Variants in BANK1 observed in about 807,000 individuals in gnomAD.
The protein encoded by BANK1 is B cell scaffold protein with ankyrin repeats 1.
BANK1 carries 95 observed loss-of-function variants against 94.5 expected under a neutral mutation model. The ratio of observed to expected loss-of-function variants is 1.00; its 90% CI spans 0.85 to 1.19. BANK1 has a LOEUF of 1.19. Ranked by LOEUF, BANK1 falls within the 50% of genes most tolerant of loss-of-function variation. BANK1 has a pLI of 0.00. For missense variants in BANK1, 987 were observed against 932.2 expected (o/e 1.06, Z -0.77); for synonymous variants, 334 against 308.4 (o/e 1.08, Z -0.87).
intron 3 of BANK1, among the ~76,000 whole-genome samples, chr4:101,856,692 A>G (rs959469585): frequency 4.6e-5 from 7 of 152,172 alleles, no homozygotes; most frequent in African/African-American, 2.4e-5. Flanking sequence ...CTAAGCAAAG[A>G]TGTGTTATTT....
intron 6 of BANK1, among the ~76,000 whole-genome samples, chr4:101,903,781 C>G (rs935871488): frequency 6.6e-6 from 1 of 152,092 alleles, no homozygotes; most frequent in Non-Finnish European, 1.5e-5. Context: ...TTAGTTGATC[C>G]CTACGTATGG....
chr4:102,060,771 C>A (rs1728392671), intron 12 of BANK1, among the ~76,000 whole-genome samples: 1 of 152,136 alleles, frequency 6.6e-6, no homozygotes, highest in South Asian at 2.1e-4. Context: ...CACTAAGCAA[C>A]AGTCCTAAAT....
At chr4:102,052,113 C>CTTTTTTTTTTTTTTTTTTTTTTTTTTTT (rs199811166) in intron 11 of BANK1, among the ~76,000 whole-genome samples, 1 of 103,994 alleles carries the variant, frequency 9.6e-6, no homozygotes, top group Non-Finnish European at 1.9e-5. Context: ...TTCTTTTTTT[C>CTTTTTTTTTTTTTTTTTTTTTTTTTTTT]TTTTTTTTTT....
At chr4:101,806,312 G>T (rs955197028) in intron 1 of BANK1, among the ~76,000 whole-genome samples, 2 of 149,478 alleles carry the variant, frequency 1.3e-5, no homozygotes, top group African/African-American at 4.9e-5. Flanking sequence ...TTTTAGTTTT[G>T]CTCTCGCTCC....
chr4:101,929,918 C>A (rs1723287460), intron 7 of BANK1, among the ~76,000 whole-genome samples: 2 of 151,340 alleles, frequency 1.3e-5, no homozygotes, highest in Admixed American at 1.3e-4. Context: ...TTACACCATG[C>A]TCAATATCAC....
intron 7 of BANK1, among the ~76,000 whole-genome samples, chr4:101,971,326 AT>A (rs1416678532): frequency 3.9e-5 from 6 of 152,108 alleles, no homozygotes; most frequent in African/African-American, 7.2e-5. Flanking sequence ...GTGAGAATCT[AT>A]TTGGTGGAAA....
At chr4:101,823,653 C>T (rs1158165162) in intron 1 of BANK1, among the ~76,000 whole-genome samples, 1 of 152,122 alleles carries the variant, frequency 6.6e-6, no homozygotes, top group Non-Finnish European at 1.5e-5. Flanking sequence ...GAAGACTTCA[C>T]AAAATAATAC....
At chr4:101,977,970 TG>T (rs1378327200) in intron 7 of BANK1, among the ~76,000 whole-genome samples, 1 of 151,936 alleles carries the variant, frequency 6.6e-6, no homozygotes, top group East Asian at 1.9e-4. Context: ...TTTGTTTGTT[TG>T]TTTGTTTTTT....
chr4:101,830,244 GTT>G (rs58497383), intron 2 of BANK1, 38 bp downstream of exon 2: 53,621 of 1,264,402 alleles, frequency 0.042, 4,474 homozygotes, highest in African/African-American at 0.38. Context: ...ATTTTTATTT[GTT>G]TTTTTTTTTT....
chr4:101,795,055 T>G (rs1725109003), intron 1 of BANK1, among the ~76,000 whole-genome samples: 1 of 48,462 alleles, frequency 2.1e-5, no homozygotes, highest in African/African-American at 1.2e-4. Flanking sequence ...ATTTACTATA[T>G]GCCTCATTTT....
At chr4:101,969,642 C>G (rs1330095875) in intron 7 of BANK1, among the ~76,000 whole-genome samples, 2 of 152,014 alleles carry the variant, frequency 1.3e-5, no homozygotes, top group East Asian at 1.9e-4. Context: ...AAATGACCCT[C>G]TCACTAAATT....
At chr4:101,943,630 T>TA (rs1723825665) in intron 7 of BANK1, among the ~76,000 whole-genome samples, 1 of 151,860 alleles carries the variant, frequency 6.6e-6, no homozygotes, top group South Asian at 2.1e-4. Context: ...TGAGTTGAAA[T>TA]ACTTATTTCA....
chr4:101,852,035 G>T (rs1727493576), intron 2 of BANK1, among the ~76,000 whole-genome samples: 1 of 152,168 alleles, frequency 6.6e-6, no homozygotes, highest in East Asian at 1.9e-4. Context: ...ATTTGAAGTT[G>T]TCTTTTCCAA....
rs543005191 is a variant in BANK1 at position 101,822,786 on chromosome 4, T to C, written c.71-7022T>C. The stretch of plus-strand genomic sequence containing the variant: ...GTCCGCCACCACGCCCCACTAATTT[T>C]TTGTATTTTTAGTAGAGGCGGGGTT... On this transcript the variant is annotated intron_variant, in intron 1 of 16. Coordinates refer to ENST00000322953, the MANE Select transcript of BANK1 (RefSeq NM_017935.5). Among the ~76,000 whole-genome samples the C allele has an allele frequency of 3.0e-3, 454 of 152,110 alleles. 2 individuals are homozygous for C. The highest frequency in any genetic ancestry group is 3.5e-3 in the Non-Finnish European group (240 of 67,994).
At chr4:102,023,311 T>A (rs1035059305) in intron 8 of BANK1, among the ~76,000 whole-genome samples, 1 of 152,188 alleles carries the variant, frequency 6.6e-6, no homozygotes, top group African/African-American at 2.4e-5. Flanking sequence ...AAATATTAAA[T>A]TAATGGATTA....
At chr4:102,030,603 G>A (rs1727269839) in intron 10 of BANK1, among the ~76,000 whole-genome samples, 1 of 133,588 alleles carries the variant, frequency 7.5e-6, no homozygotes, top group African/African-American at 2.8e-5. Flanking sequence ...CCCGCAACAG[G>A]CCCCAGTGTG....
At position 101,953,102 on chromosome 4, in the gene BANK1, C is replaced by T. The variant is rs761688910; in HGVS notation, c.1206+34913C>T. 3.3e-5 allele frequency among the ~76,000 whole-genome samples: 5 copies of T among 152,028 alleles called. 1 individual carries two copies. The highest frequency in any genetic ancestry group is 4.8e-5 in the African/African-American group (2 of 41,400). On this transcript the variant is annotated intron_variant, in intron 7 of 16. Coordinates refer to ENST00000322953, the MANE Select transcript of BANK1 (RefSeq NM_017935.5). ...AGGCGAGTCAAGGTTAATTCTTACACCAAGGCTGAGATGATGGAAATGAAA... is the reference window on the plus strand; with the variant it reads ...AGGCGAGTCAAGGTTAATTCTTACATCAAGGCTGAGATGATGGAAATGAAA...
intron 7 of BANK1, among the ~76,000 whole-genome samples, chr4:102,015,248 G>A (rs1236669471): frequency 6.6e-6 from 1 of 151,850 alleles, no homozygotes; most frequent in East Asian, 1.9e-4. Context: ...TTGAAATTCA[G>A]TTTCTTCTAT....
intron 7 of BANK1, among the ~76,000 whole-genome samples, chr4:101,937,580 TC>T (rs1457106197): frequency 1.3e-5 from 2 of 151,774 alleles, no homozygotes; most frequent in African/African-American, 4.8e-5. Context: ...CATTAAAAAG[TC>T]AGGAAACAAC....
Sources: allele counts gnomAD v4.1 joint callset (sites outside exome capture counted in the v4.1 genomes callset), GRCh38; gene constraint gnomAD v4.1.1; transcripts MANE v1.5; gene names NCBI Gene and HGNC (gene_info 2026-07-23, HGNC 2026-07-21).